MAMDC2: variants seen among roughly 807,000 people sequenced by gnomAD.
The protein encoded by MAMDC2 is MAM domain-containing protein 2.
A neutral mutation model predicts 89.8 loss-of-function variants in MAMDC2; 57 were observed. The ratio of observed to expected loss-of-function variants is 0.63; its 90% CI spans 0.51 to 0.79. The LOEUF (loss-of-function observed/expected upper bound fraction) is 0.79, where lower values mean the gene tolerates loss of function less well. Ranked by LOEUF, MAMDC2 falls within the 30% of genes least tolerant of loss-of-function variation. The probability of loss-of-function intolerance (pLI) is 0.00; values close to 1 mark genes in which losing one functional copy is unlikely to be tolerated. For synonymous variants in MAMDC2, 313 were observed against 293.4 expected (o/e 1.07, Z -0.68); for missense variants, 800 against 820.6 (o/e 0.97, Z 0.31).
At chr9:70,209,836 C>T (rs1428149948) in intron 11 of MAMDC2, among the ~76,000 whole-genome samples, 1 of 152,186 alleles carries the variant, frequency 6.6e-6, no homozygotes, top group African/African-American at 2.4e-5. Flanking sequence ...TATATTGTGT[C>T]TTTGTTCCCA....
At position 70,180,869 on chromosome 9, in the gene MAMDC2, T is replaced by C. The variant is rs2032631887; in HGVS notation, c.1651+10238T>C. On this transcript the variant is annotated intron_variant, in intron 11 of 13. Coordinates refer to ENST00000377182, the MANE Select transcript of MAMDC2 (RefSeq NM_153267.5). ...GCTCTTTAGTTTAATCAGATCACAT[T>C]TGTCAATTTTGGCTTTTGCTGCAAT... is the stretch of plus-strand genomic sequence containing the variant. 3.9e-5 allele frequency among the ~76,000 whole-genome samples: 6 copies of C among 152,242 alleles called. No individual in the cohort carries two copies. In the South Asian group the frequency reaches 1.2e-3, roughly 32 times the overall value.
At chr9:70,074,148 C>T (rs938434771) in intron 2 of MAMDC2, among the ~76,000 whole-genome samples, 4 of 152,220 alleles carry the variant, frequency 2.6e-5, no homozygotes, top group African/African-American at 9.6e-5. Context: ...CTAACTCATG[C>T]TTAGCCATTC....
chr9:70,156,093 T>C (rs1469226235), intron 9 of MAMDC2, among the ~76,000 whole-genome samples: 1 of 152,228 alleles, frequency 6.6e-6, no homozygotes, highest in Non-Finnish European at 1.5e-5. Context: ...TTTTGGCATC[T>C]TAATAGCAGA....
chr9:70,181,553 T>C (rs1587549662), intron 11 of MAMDC2, among the ~76,000 whole-genome samples: 2 of 152,192 alleles, frequency 1.3e-5, no homozygotes, highest in Non-Finnish European at 2.9e-5. Flanking sequence ...GTAGTTCTTT[T>C]TGAAGAGGTC....
At chr9:70,157,868 G>C (rs2031819511) in intron 9 of MAMDC2, 2 of 152,062 alleles carry the variant, frequency 1.3e-5, no homozygotes, top group South Asian at 4.2e-4. Flanking sequence ...CTAAGCAATA[G>C]GAAAGCGGAT....
chr9:70,057,623 A>C (rs1017050142), intron 2 of MAMDC2, among the ~76,000 whole-genome samples: 1 of 152,232 alleles, frequency 6.6e-6, no homozygotes, highest in African/African-American at 2.4e-5. Flanking sequence ...TTTATGAGCG[A>C]TCTCTTGCTG....
At chr9:70,061,628 A>C (rs1404836882) in intron 2 of MAMDC2, among the ~76,000 whole-genome samples, 1 of 152,230 alleles carries the variant, frequency 6.6e-6, no homozygotes, top group Non-Finnish European at 1.5e-5. Context: ...TGGTGCCAAA[A>C]ATCAAATGAT....
chr9:70,223,843 T>G (rs993410961), intron 12 of MAMDC2, among the ~76,000 whole-genome samples: 2 of 152,308 alleles, frequency 1.3e-5, no homozygotes, highest in South Asian at 2.1e-4. Context: ...TTAATCCTAT[T>G]GTCAATGTAG....
chr9:70,138,131 C>T (rs1587505112), intron 7 of MAMDC2, among the ~76,000 whole-genome samples: 1 of 152,280 alleles, frequency 6.6e-6, no homozygotes, highest in Non-Finnish European at 1.5e-5. Context: ...TTATTTAGCT[C>T]CCACTTATGA....
At chr9:70,051,410 G>A (rs1032573277) in intron 2 of MAMDC2, among the ~76,000 whole-genome samples, 2 of 152,158 alleles carry the variant, frequency 1.3e-5, no homozygotes, top group Non-Finnish European at 2.9e-5. Context: ...AATATGTGGG[G>A]AGGAAAAAAA....
intron 2 of MAMDC2, chr9:70,106,063 A>C (rs1828332774): frequency 6.6e-6 from 1 of 152,280 alleles, no homozygotes; most frequent in Admixed American, 6.5e-5. Context: ...CAAGAAATGC[A>C]ATCTGTTAGA....
intron 4 of MAMDC2, among the ~76,000 whole-genome samples, 196 bp from the exon 5 acceptor site, chr9:70,112,799 G>C (rs1828544569): frequency 6.6e-6 from 1 of 152,180 alleles, no homozygotes; most frequent in South Asian, 2.1e-4. Flanking sequence ...AAGGGCCAAT[G>C]ATGAATTAGA....
At chr9:70,045,750 G>A (rs531789751) in intron 2 of MAMDC2, among the ~76,000 whole-genome samples, 7 of 152,262 alleles carry the variant, frequency 4.6e-5, no homozygotes, top group East Asian at 3.9e-4. Context: ...TGTTGGACCC[G>A]TTTTACAGAG....
intron 9 of MAMDC2, among the ~76,000 whole-genome samples, chr9:70,161,312 A>C (rs1421119819): frequency 2.6e-5 from 4 of 152,218 alleles, no homozygotes; most frequent in African/African-American, 9.6e-5. Flanking sequence ...CTGGGAGCAG[A>C]AAGACTTTCA....
At chr9:70,045,634 G>A (rs1467128794) in intron 2 of MAMDC2, among the ~76,000 whole-genome samples, 5 of 152,122 alleles carry the variant, frequency 3.3e-5, no homozygotes, top group African/African-American at 9.7e-5. Context: ...GATGGAGCCC[G>A]GAACCCCTGG....
At chr9:70,122,933 T>C (rs931920635) in intron 5 of MAMDC2, among the ~76,000 whole-genome samples, 2 of 152,080 alleles carry the variant, frequency 1.3e-5, no homozygotes, top group African/African-American at 4.8e-5. Context: ...GCCCCTCTGC[T>C]ATGCTTGGTC....
intron 9 of MAMDC2, among the ~76,000 whole-genome samples, chr9:70,164,172 T>C (rs1311744761): frequency 2.0e-5 from 3 of 152,092 alleles, no homozygotes; most frequent in South Asian, 2.1e-4. Flanking sequence ...ATCTAATGAG[T>C]AGAGGTTACA....
At chr9:70,099,290 C>A (rs539204892) in intron 2 of MAMDC2, among the ~76,000 whole-genome samples, 1 of 152,130 alleles carries the variant, frequency 6.6e-6, no homozygotes, top group Non-Finnish European at 1.5e-5. Context: ...TCTAATAACA[C>A]GATCAACTTT....
At chr9:70,205,595 T>C (rs12685534) in intron 11 of MAMDC2, among the ~76,000 whole-genome samples, 10,481 of 152,232 alleles carry the variant, frequency 0.069, 573 homozygotes, top group East Asian at 0.22. Flanking sequence ...GTGGAATGTG[T>C]CTGTGTGTCT....
Sources: allele counts gnomAD v4.1 joint callset (sites outside exome capture counted in the v4.1 genomes callset), GRCh38; gene constraint gnomAD v4.1.1; transcripts MANE v1.5; gene names NCBI Gene and HGNC (gene_info 2026-07-23, HGNC 2026-07-21).